The following SHISA9 variants were observed in gnomAD, a reference collection of about 807,000 sequenced individuals.
SHISA9 encodes the protein protein shisa-9.
A neutral mutation model predicts 38.0 loss-of-function variants in SHISA9; 13 were observed. That is an observed-to-expected ratio of 0.34 (90% confidence interval 0.22 to 0.54). The LOEUF (loss-of-function observed/expected upper bound fraction) is 0.54, where lower values mean the gene tolerates loss of function less well. Among genes scored for constraint, SHISA9 ranks in the 20% least tolerant of loss-of-function variants. SHISA9 has a pLI of 0.91. For synonymous variants in SHISA9, 275 were observed against 242.0 expected (o/e 1.14, Z -1.27); for missense variants, 538 against 575.8 (o/e 0.93, Z 0.67).
At chr16:13,528,392 A>T in the SHISA9 span, among the ~76,000 whole-genome samples, 1 of 151,542 alleles carries the variant, frequency 6.6e-6, no homozygotes, top group Non-Finnish European at 1.5e-5. Flanking sequence ...TGCAAAGAAG[A>T]GGTCACAGAA....
chr16:13,210,329 G>T (rs1444709575), intron 3 of SHISA9, among the ~76,000 whole-genome samples: 1 of 152,100 alleles, frequency 6.6e-6, no homozygotes, highest in Non-Finnish European at 1.5e-5. Context: ...TCATGATCAT[G>T]TGCCCTTAAG....
At chr16:13,069,305 A>T (rs2073479846) in intron 2 of SHISA9, among the ~76,000 whole-genome samples, 1 of 150,578 alleles carries the variant, frequency 6.6e-6, no homozygotes, top group African/African-American at 2.4e-5. Context: ...GCGTGTGTAT[A>T]TGTGTATACA....
At chr16:13,440,740 G>A in the SHISA9 span, among the ~76,000 whole-genome samples, 24 of 152,182 alleles carry the variant, frequency 1.6e-4, no homozygotes, top group African/African-American at 5.8e-4. Flanking sequence ...TGCCCAACAT[G>A]GTGAAATCCC....
the SHISA9 span, among the ~76,000 whole-genome samples, chr16:13,396,374 G>A: frequency 7.9e-5 from 12 of 152,204 alleles, no homozygotes; most frequent in African/African-American, 2.9e-4. Context: ...GGGCAGGGTG[G>A]TGTGCACTTG....
chr16:12,907,791 C>G (rs1484112515), intron 1 of SHISA9, among the ~76,000 whole-genome samples: 4 of 152,170 alleles, frequency 2.6e-5, no homozygotes, highest in Admixed American at 2.0e-4. Context: ...CATGAGAACT[C>G]AGTGGGTCTG....
the SHISA9 span, among the ~76,000 whole-genome samples, chr16:13,554,813 A>G: frequency 3.5e-3 from 537 of 152,270 alleles, 2 homozygotes; most frequent in African/African-American, 0.012. Flanking sequence ...CTAAAAGAAG[A>G]TGTGGGAAAT....
Position 13,213,292 on chromosome 16 carries a change from C to A in SHISA9, c.887C>A (p.Ser296Ter). Residue 296 changes from serine to a stop codon, truncating the protein, a stop_gained, in exon 4 of 5, where the codon TCA becomes TAA. Transcript: ENST00000558583. LOFTEE classifies it high-confidence loss of function. Reference protein sequence around the residue: ...DGDWAVSTLKSPKADKVNDDF... With the variant: ...DGDWAVSTLK ...GACTGGGCAGTATCGACACTTAAGT[C>A]ACCAAAAGGTACTGTACAGCTTTTT... The A allele has an allele frequency of 6.4e-7, 1 of 1,551,748 alleles. No homozygotes were observed.
At chr16:13,561,653 G>A in the SHISA9 span, among the ~76,000 whole-genome samples, 2 of 152,214 alleles carry the variant, frequency 1.3e-5, no homozygotes, top group East Asian at 1.9e-4. Context: ...AGGGCCCCTG[G>A]AGGAAGTGCT....
At chr16:13,356,264 G>A in the SHISA9 span, among the ~76,000 whole-genome samples, 1 of 152,192 alleles carries the variant, frequency 6.6e-6, no homozygotes, top group African/African-American at 2.4e-5. Flanking sequence ...AGCAGATTGG[G>A]TAATAAAATG....
the SHISA9 span, among the ~76,000 whole-genome samples, chr16:13,476,586 C>T: frequency 1.3e-5 from 2 of 152,160 alleles, no homozygotes; most frequent in South Asian, 2.1e-4. Flanking sequence ...AAAGTTCATA[C>T]TTTGGCTTAT....
chr16:12,969,023 G>A (rs756750238), intron 2 of SHISA9, among the ~76,000 whole-genome samples: 1 of 151,942 alleles, frequency 6.6e-6, no homozygotes, highest in Non-Finnish European at 1.5e-5. Context: ...TGAACGTGGT[G>A]GTGCGCACCT....
the SHISA9 span, among the ~76,000 whole-genome samples, chr16:13,348,011 C>G: frequency 6.6e-6 from 1 of 152,142 alleles, no homozygotes; most frequent in African/African-American, 2.4e-5. Flanking sequence ...CACATAGTCA[C>G]AAGGGTGAGT....
chr16:12,964,167 G>C (rs2071948016), intron 2 of SHISA9, among the ~76,000 whole-genome samples: 1 of 152,172 alleles, frequency 6.6e-6, no homozygotes. Context: ...TGCTAAATTT[G>C]AAAAGGATTT....
the SHISA9 span, among the ~76,000 whole-genome samples, chr16:13,516,563 G>T: frequency 6.6e-6 from 1 of 152,172 alleles, no homozygotes; most frequent in Non-Finnish European, 1.5e-5. Context: ...ACTTTGGGAG[G>T]CTGAGGTGGG....
intron 2 of SHISA9, among the ~76,000 whole-genome samples, chr16:13,072,913 G>A (rs370355393): frequency 1.5e-3 from 229 of 152,164 alleles, no homozygotes; most frequent in African/African-American, 5.0e-3. Context: ...CACCCACCTC[G>A]GCCTCCCAAA....
the SHISA9 span, among the ~76,000 whole-genome samples, chr16:13,556,580 G>A: frequency 2.0e-5 from 3 of 151,966 alleles, no homozygotes; most frequent in Middle Eastern, 3.4e-3. Flanking sequence ...GGAGAATGGC[G>A]TGAACCCGGG....
At chr16:13,340,609 C>T in the SHISA9 span, among the ~76,000 whole-genome samples, 1 of 152,212 alleles carries the variant, frequency 6.6e-6, no homozygotes, top group Non-Finnish European at 1.5e-5. Context: ...ACAATCCGGA[C>T]AGGGGGACCC....
chr16:13,045,653 A>G (rs2073179213), intron 2 of SHISA9, among the ~76,000 whole-genome samples: 1 of 151,894 alleles, frequency 6.6e-6, no homozygotes, highest in Admixed American at 6.6e-5. Flanking sequence ...ATCAGTAACA[A>G]AGATATAAAC....
At chr16:13,525,170 T>A in the SHISA9 span, among the ~76,000 whole-genome samples, 1 of 152,204 alleles carries the variant, frequency 6.6e-6, no homozygotes, top group Non-Finnish European at 1.5e-5. Flanking sequence ...GTAAGTTTCA[T>A]GTGGTGCTGA....
Sources: allele counts gnomAD v4.1 joint callset (sites outside exome capture counted in the v4.1 genomes callset), GRCh38; gene constraint gnomAD v4.1.1; transcripts MANE v1.5; gene names NCBI Gene and HGNC (gene_info 2026-07-23, HGNC 2026-07-21).